Variants in ANKHD1 observed in about 807,000 individuals in gnomAD.
The protein encoded by ANKHD1 is ankyrin repeat and KH domain containing 1, also known as ankyrin repeat and KH domain-containing protein 1.
A neutral mutation model predicts 230.5 loss-of-function variants in ANKHD1; 31 were observed. That is an observed-to-expected ratio of 0.13 (90% CI 0.10 to 0.18). ANKHD1 has a LOEUF of 0.18. Ranked by LOEUF, ANKHD1 falls within the 10% of genes least tolerant of loss-of-function variation. The probability of loss-of-function intolerance (pLI) is 1.00; values close to 1 mark genes in which losing one functional copy is unlikely to be tolerated. For missense variants in ANKHD1, 2,256 were observed against 3,071.3 expected (o/e 0.73, Z 6.27); for synonymous variants, 1,074 against 1,117.6 (o/e 0.96, Z 0.78).
intron 14 of ANKHD1, among the ~76,000 whole-genome samples, chr5:140,487,397 AAATG>A (rs1377074775): frequency 6.6e-6 from 1 of 152,240 alleles, no homozygotes; most frequent in Non-Finnish European, 1.5e-5. Flanking sequence ...AACCAATAGT[AAATG>A]AAGAGTAAAA....
rs992511972 is a variant in ANKHD1, at chr5:140,527,902, T to C, written c.5117T>C (p.Val1706Ala). 1 of 1,613,840 alleles carries C rather than the reference T, an allele frequency of 6.2e-7. No individual in the cohort carries two copies. The highest frequency in any genetic ancestry group is 1.1e-5 in the South Asian group (1 of 91,056). Residue 1706 changes from valine to alanine, a missense_variant, in exon 28 of 34, where the codon GTG becomes GCG. This residue lies in a region of ANKHD1 where 212 missense variants were observed against 257.3 expected (regional missense o/e 0.82). Transcript: ENST00000360839. This position sits in a 1 kb window ranked among gnomAD's most constrained non-coding sequence, Gnocchi z 4.5. ...AAGAAATTGTCTGTTCCAGCCTCAG[T>C]GGTGTCGAGGATAATGGGAAGAGGA... ...RSKKLSVPASVVSRIMGRGGC... is the reference protein window; with the variant it reads ...RSKKLSVPASAVSRIMGRGGC...
chr5:140,491,059 AT>A (rs973715752), intron 14 of ANKHD1, among the ~76,000 whole-genome samples: 13 of 125,256 alleles, frequency 1.0e-4, no homozygotes, highest in South Asian at 7.5e-4. Context: ...TAAAATATTT[AT>A]TTTTTATATG....
chr5:140,450,055 A>G (rs1249604455), intron 7 of ANKHD1, among the ~76,000 whole-genome samples: 1 of 152,202 alleles, frequency 6.6e-6, no homozygotes, highest in Non-Finnish European at 1.5e-5. Context: ...GCACATATAT[A>G]TCATGCGTAT....
At chr5:140,445,298 GAGTTTGAGA>G (rs1423379066) in intron 5 of ANKHD1, among the ~76,000 whole-genome samples, 2 of 152,142 alleles carry the variant, frequency 1.3e-5, no homozygotes, top group African/African-American at 4.8e-5. Context: ...CTGACGTCAG[GAGTTTGAGA>G]CCAGCCTGCC....
intron 14 of ANKHD1, among the ~76,000 whole-genome samples, chr5:140,489,752 G>C (rs1019638167): frequency 2.0e-5 from 3 of 151,906 alleles, no homozygotes; most frequent in Non-Finnish European, 4.4e-5. Flanking sequence ...ACCTTTCTAA[G>C]GAATCATTTT....
intron 10 of ANKHD1, among the ~76,000 whole-genome samples, chr5:140,477,561 A>G (rs1490612946): frequency 1.3e-5 from 2 of 152,198 alleles, no homozygotes; most frequent in African/African-American, 4.8e-5. Context: ...AAAATTACAC[A>G]TCAACAATAA....
At chr5:140,404,248 T>C (rs1472822734) in intron 1 of ANKHD1, among the ~76,000 whole-genome samples, 2 of 152,180 alleles carry the variant, frequency 1.3e-5, no homozygotes, top group Non-Finnish European at 2.9e-5. Context: ...GTGTGGGGGA[T>C]ATCCTTAGAC....
intron 11 of ANKHD1, chr5:140,484,893 A>C: frequency 1.9e-6 from 1 of 521,058 alleles, no homozygotes. Context: ...ACTGAAAGGG[A>C]GCACAAGATG....
At chr5:140,476,887 T>G (rs1200129196) in intron 10 of ANKHD1, among the ~76,000 whole-genome samples, 1 of 152,136 alleles carries the variant, frequency 6.6e-6, no homozygotes, top group African/African-American at 2.4e-5. Flanking sequence ...GAAGGATGTG[T>G]TAGAGAGTTT....
chr5:140,448,739 A>G (rs909924662), intron 6 of ANKHD1, among the ~76,000 whole-genome samples: 1 of 152,064 alleles, frequency 6.6e-6, no homozygotes, highest in Non-Finnish European at 1.5e-5. Context: ...TCATTTTCTT[A>G]TTGACTATCA....
intron 14 of ANKHD1, 77 bp from the exon 15 acceptor site, chr5:140,496,443 C>CTTTTTTTTTTTTTTTTTTTTTTTTTTT: frequency 1.4e-6 from 1 of 718,958 alleles, no homozygotes; most frequent in Admixed American, 4.9e-5. Flanking sequence ...GGCTGGTTTT[C>CTTTTTTTTTTTTTTTTTTTTTTTTTTT]TTTTTTTTTT....
Position 140,485,241 on chromosome 5 carries a change from G to A in ANKHD1, c.1991G>A (p.Arg664Gln), listed in dbSNP as rs1751447008. ...LLAHGADPTH[R>Q]LKDGSTMLIE... ...GCTCATGGGGCTGACCCTACTCATC[G>A]ACTCAAGGTAGTCTACTTAAAAATA... is the stretch of plus-strand genomic sequence containing the variant. Residue 664 changes from arginine (R) to glutamine (Q), a missense_variant, in exon 12 of 34, where the codon CGA (arginine) becomes CAA (glutamine). Physicochemically the swap from Arg to Gln is conservative, Grantham distance 43. This residue lies in a region of ANKHD1 where 23 missense variants were observed against 51.8 expected (regional missense o/e 0.44). Coordinates refer to ENST00000360839, the MANE Select transcript of ANKHD1 (RefSeq NM_017747.3). The surrounding 1 kb of genome is among the most constrained non-coding windows in gnomAD (Gnocchi z 4.8). The A allele has an allele frequency of 6.2e-7, 1 of 1,611,962 alleles. No homozygotes were observed. Among genetic ancestry groups the A allele is most frequent in the East Asian group, 2.2e-5 (1 of 44,828 alleles).
In ANKHD1 at chr5:140,528,484, T is replaced by C. The variant is rs1753693364; in HGVS notation, c.5538T>C (p.Ser1846=). 4.3e-6 allele frequency: 7 copies of C among 1,614,186 alleles called. No individual in the cohort carries two copies. In the East Asian group the frequency reaches 1.6e-4, roughly 36 times the overall value. ...ATGTACGTTCTTCTTTCCCAGTTTC[T>C]CTACCCTTAGCTTATCCTCACCCTC... ...PTNVRSSFPV[S]LPLAYPHPHF... Residue 1846 remains serine, a synonymous_variant, in exon 29 of 34, where the codon TCT becomes TCC. Coordinates refer to ENST00000360839, the MANE Select transcript of ANKHD1 (RefSeq NM_017747.3).
At chr5:140,427,635 C>G (rs1325828177) in intron 1 of ANKHD1, among the ~76,000 whole-genome samples, 1 of 145,504 alleles carries the variant, frequency 6.9e-6, no homozygotes, top group African/African-American at 2.6e-5. Flanking sequence ...GGGCGGCTGG[C>G]CGGGCGGGGG....
At chr5:140,495,426 T>C (rs538657773) in intron 14 of ANKHD1, among the ~76,000 whole-genome samples, 2 of 152,070 alleles carry the variant, frequency 1.3e-5, no homozygotes, top group Non-Finnish European at 2.9e-5. Context: ...TTTGTATTTT[T>C]AGTAGAGACG....
At chr5:140,493,467 T>A (rs1304262865) in intron 14 of ANKHD1, among the ~76,000 whole-genome samples, 1 of 152,228 alleles carries the variant, frequency 6.6e-6, no homozygotes, top group Middle Eastern at 3.2e-3. Flanking sequence ...ATAGAACCCT[T>A]TTATTTTCTG....
At chr5:140,477,254 A>G (rs2127005821) in intron 10 of ANKHD1, among the ~76,000 whole-genome samples, 1 of 152,342 alleles carries the variant, frequency 6.6e-6, no homozygotes, top group South Asian at 2.1e-4. Context: ...CCATCCAAAT[A>G]AAATATAAAA....
chr5:140,499,874 T>C (rs1752202936), intron 15 of ANKHD1, among the ~76,000 whole-genome samples: 1 of 150,258 alleles, frequency 6.7e-6, no homozygotes, highest in Non-Finnish European at 1.5e-5. Flanking sequence ...TTTCTTTCTT[T>C]TTTTTTTTTT....
chr5:140,507,165 T>A lies in ANKHD1; in HGVS notation c.3551+188T>A, dbSNP rs1026887969. Among the ~76,000 whole-genome samples, 1 of 152,240 alleles carries A rather than the reference T, an allele frequency of 6.6e-6. No homozygotes were observed. The highest frequency in any genetic ancestry group is 1.5e-5 in the Non-Finnish European group (1 of 68,040). On this transcript the variant is annotated intron_variant, in intron 19 of 33. Coordinates refer to ENST00000360839, the MANE Select transcript of ANKHD1 (RefSeq NM_017747.3). This position sits in a 1 kb window ranked among gnomAD's most constrained non-coding sequence, Gnocchi z 4.1. ...CTTATTTCAGTAATGTGGCTGCTTA[T>A]AAAGAGGTCTCATTTCAAAAAGTGT...
Sources: gnomAD v4.1 joint callset for allele counts (sites outside exome capture counted in the v4.1 genomes callset) on GRCh38, gnomAD v4.1.1 for gene constraint, gnomAD v4.1.1 regional missense constraint, Gnocchi (gnomAD v3.1) non-coding constraint, MANE v1.5 for transcripts, NCBI Gene and HGNC (gene_info 2026-07-23, HGNC 2026-07-21) for gene names.